GALNTL6: variants seen among roughly 807,000 people sequenced by gnomAD.
GALNTL6 encodes the protein polypeptide N-acetylgalactosaminyltransferase-like 6.
GALNTL6 carries 46 observed loss-of-function variants against 73.7 expected under a neutral mutation model. The observed-to-expected ratio is 0.62, with a 90% CI of 0.49 to 0.80. The LOEUF (loss-of-function observed/expected upper bound fraction) is 0.80. Among genes scored for constraint, GALNTL6 ranks in the 30% least tolerant of loss-of-function variants. The pLI, the probability that GALNTL6 is intolerant of heterozygous loss-of-function variation, is 0.00. For missense variants in GALNTL6, 604 were observed against 755.0 expected (o/e 0.80, Z 2.34); for synonymous variants, 259 against 263.7 (o/e 0.98, Z 0.17).
At chr4:172,583,020 G>A (rs1363040492) in intron 5 of GALNTL6, among the ~76,000 whole-genome samples, 1 of 152,122 alleles carries the variant, frequency 6.6e-6, no homozygotes, top group East Asian at 1.9e-4. Flanking sequence ...CCATAGAGAA[G>A]TTATTTATTT....
chr4:172,920,856 A>T (rs984112970), intron 8 of GALNTL6, among the ~76,000 whole-genome samples: 1 of 152,214 alleles, frequency 6.6e-6, no homozygotes, highest in Non-Finnish European at 1.5e-5. Flanking sequence ...ACAGAGTACC[A>T]TGTGTCAGGC....
At chr4:172,467,858 CT>C in intron 5 of GALNTL6, among the ~76,000 whole-genome samples, 1 of 137,308 alleles carries the variant, frequency 7.3e-6, no homozygotes, top group Non-Finnish European at 1.6e-5. Context: ...TTCTTTCTTT[CT>C]TTCTTTCCTT....
intron 5 of GALNTL6, among the ~76,000 whole-genome samples, chr4:172,707,686 TAGAG>T (rs1160191369): frequency 6.6e-6 from 1 of 152,084 alleles, no homozygotes; most frequent in Non-Finnish European, 1.5e-5. Flanking sequence ...ACTGTTGTAA[TAGAG>T]AGGGAGATTA....
chr4:171,902,551 T>G (rs535823400), intron 2 of GALNTL6, among the ~76,000 whole-genome samples: 59 of 152,192 alleles, frequency 3.9e-4, no homozygotes, highest in African/African-American at 1.3e-3. Flanking sequence ...GGACAGATGA[T>G]GTATGGAAAG....
intron 5 of GALNTL6, among the ~76,000 whole-genome samples, chr4:172,701,363 C>G (rs1017861719): frequency 6.6e-6 from 1 of 152,020 alleles, no homozygotes; most frequent in Admixed American, 6.6e-5. Context: ...TTCATGCTAA[C>G]TTGAAGAAAG....
chr4:172,785,327 A>G (rs1315141381), intron 5 of GALNTL6, among the ~76,000 whole-genome samples: 1 of 152,178 alleles, frequency 6.6e-6, no homozygotes, highest in African/African-American at 2.4e-5. Context: ...AAATTTTTCA[A>G]AATATTTCAG....
intron 2 of GALNTL6, among the ~76,000 whole-genome samples, chr4:171,978,984 C>G (rs895891920): frequency 2.0e-5 from 3 of 152,060 alleles, no homozygotes; most frequent in African/African-American, 7.2e-5. Flanking sequence ...TGTTATTATA[C>G]AAAATGTGTC....
At chr4:173,029,295 C>T (rs1159846664) in intron 12 of GALNTL6, among the ~76,000 whole-genome samples, 1 of 152,206 alleles carries the variant, frequency 6.6e-6, no homozygotes, top group Non-Finnish European at 1.5e-5. Flanking sequence ...TTGATTACCA[C>T]ACAGATTATA....
chr4:172,024,575 A>T (rs1467721505), intron 2 of GALNTL6, among the ~76,000 whole-genome samples: 1 of 151,942 alleles, frequency 6.6e-6, no homozygotes, highest in African/African-American at 2.4e-5. Flanking sequence ...TATATGACAA[A>T]AGGAAACTTC....
At chr4:172,911,915 C>T (rs981984491) in intron 8 of GALNTL6, among the ~76,000 whole-genome samples, 5 of 152,204 alleles carry the variant, frequency 3.3e-5, no homozygotes, top group African/African-American at 7.2e-5. Context: ...GTTTACATGG[C>T]ATTCAGTACC....
intron 10 of GALNTL6, among the ~76,000 whole-genome samples, chr4:172,962,119 G>C (rs1338568663): frequency 6.6e-6 from 1 of 152,204 alleles, no homozygotes; most frequent in Non-Finnish European, 1.5e-5. Context: ...GGTGCTCAGT[G>C]GGGGAGCTTT....
intron 10 of GALNTL6, among the ~76,000 whole-genome samples, chr4:172,986,453 G>A (rs979394103): frequency 9.9e-5 from 15 of 152,260 alleles, no homozygotes; most frequent in African/African-American, 3.6e-4. Context: ...AAACCCTGGG[G>A]GATTCAGGCA....
intron 5 of GALNTL6, among the ~76,000 whole-genome samples, chr4:172,546,668 T>A (rs1410363280): frequency 6.6e-6 from 1 of 150,548 alleles, no homozygotes; most frequent in East Asian, 2.0e-4. Flanking sequence ...ATGCCACTTC[T>A]TTGCTAAGTT....
chr4:173,028,525 T>C (rs1453741240), intron 12 of GALNTL6, among the ~76,000 whole-genome samples: 1 of 152,190 alleles, frequency 6.6e-6, no homozygotes, highest in Non-Finnish European at 1.5e-5. Flanking sequence ...TAAAACACTG[T>C]ATATTATACA....
chr4:172,822,558 T>C (rs55747886), intron 7 of GALNTL6, among the ~76,000 whole-genome samples: 67,662 of 152,002 alleles, frequency 0.45, 17,722 homozygotes, highest in African/African-American at 0.74. Context: ...GCCTCTTAAA[T>C]TTTGGACTTC....
intron 2 of GALNTL6, among the ~76,000 whole-genome samples, chr4:172,143,624 G>A (rs1733854931): frequency 6.6e-6 from 1 of 151,872 alleles, no homozygotes; most frequent in South Asian, 2.1e-4. Context: ...AATAAATATT[G>A]TTATCTGCCT....
intron 5 of GALNTL6, among the ~76,000 whole-genome samples, chr4:172,572,527 C>T (rs17058659): frequency 6.6e-6 from 1 of 152,108 alleles, no homozygotes; most frequent in Admixed American, 6.6e-5. Flanking sequence ...CCCACTTACC[C>T]CTGAAAATTG....
intron 5 of GALNTL6, among the ~76,000 whole-genome samples, chr4:172,480,144 G>GT (rs199709544): frequency 3.9e-4 from 58 of 148,872 alleles, no homozygotes; most frequent in East Asian, 1.4e-3. Flanking sequence ...TCTACAAAAT[G>GT]TTTTTTTTTT....
rs115974938 is a variant in GALNTL6 at position 171,998,834 on chromosome 4, G to A, written c.138+184116G>A. On this transcript the variant is annotated intron_variant, in intron 2 of 12. Transcript: ENST00000506823. ...ATTTCGCAAAACTGAAATAATGGTT[G>A]TTAGAGATGTTTCAGAGTTGGCTTA... Among the ~76,000 whole-genome samples, 830 of 152,208 alleles carry A rather than the reference G, an allele frequency of 5.5e-3. 8 individuals are homozygous for A. Among genetic ancestry groups the A allele is most frequent in the African/African-American group, 0.019 (779 of 41,558 alleles).
Sources: gnomAD v4.1 joint callset for allele counts (sites outside exome capture counted in the v4.1 genomes callset) on GRCh38, gnomAD v4.1.1 for gene constraint, MANE v1.5 for transcripts, NCBI Gene and HGNC (gene_info 2026-07-23, HGNC 2026-07-21) for gene names.